The following MAPK10 variants were observed in gnomAD, a reference collection of about 807,000 sequenced individuals.
The protein encoded by MAPK10 is JNK3 alpha protein kinase.
Under a neutral mutation model 59.3 loss-of-function variants are expected in MAPK10, and 25 were observed. The ratio of observed to expected loss-of-function variants is 0.42; its 90% CI spans 0.31 to 0.59. The LOEUF is 0.59. Among genes scored for constraint, MAPK10 ranks in the 20% least tolerant of loss-of-function variants. The pLI is 0.15. For synonymous variants in MAPK10, 190 were observed against 200.5 expected, an observed-to-expected ratio of 0.95 and a Z score of 0.44; for missense variants, 351 against 568.9, an observed-to-expected ratio of 0.62 and a Z score of 3.90.
Position 86,017,247 on chromosome 4 carries a change from G to A in MAPK10, c.1376C>T (p.Pro459Leu), listed in dbSNP as rs143420758. 5.6e-6 allele frequency: 9 copies of A among 1,613,964 alleles called. No individual in the cohort carries two copies. The highest frequency in any genetic ancestry group is 1.3e-5 in the African/African-American group (1 of 74,902). ...GGCTAGTCACCTGCAACAACCCAGG[G>A]GTCCTGCCGAGGCTTCCAGGCTGCT... Reference protein sequence around the residue: ...TDSSLEASAGPLGCCR With the variant: ...TDSSLEASAGLLGCCR The change falls in exon 14 of 14, where the codon CCC (proline) becomes CTC (leucine). Residue 459 changes from proline to leucine, a missense_variant. This residue lies in a region of MAPK10 where 155 missense variants were observed against 204.2 expected (regional missense o/e 0.76). Transcript: ENST00000641462. This position sits in a 1 kb window ranked among gnomAD's most constrained non-coding sequence, Gnocchi z 4.4.
At chr4:86,527,007 A>G (rs1757510795) in intron 1 of MAPK10, among the ~76,000 whole-genome samples, 1 of 152,132 alleles carries the variant, frequency 6.6e-6, no homozygotes, top group Admixed American at 6.6e-5. Context: ...TAGGTTCCCC[A>G]TTAAAAAGCA....
intron 3 of MAPK10, among the ~76,000 whole-genome samples, chr4:86,190,171 A>T (rs2079330915): frequency 6.6e-6 from 1 of 151,952 alleles, no homozygotes; most frequent in Admixed American, 6.6e-5. Flanking sequence ...GAGGATTTTT[A>T]CATTGATGTT....
At chr4:86,517,269 C>CTTTTTT (rs1176457005) in intron 1 of MAPK10, among the ~76,000 whole-genome samples, 39 of 84,270 alleles carry the variant, frequency 4.6e-4, no homozygotes, top group Non-Finnish European at 6.2e-4. Context: ...GGTGTATTAT[C>CTTTTTT]TTTTTTTTTT....
intron 1 of MAPK10, among the ~76,000 whole-genome samples, chr4:86,531,250 G>A (rs1757830817): frequency 6.6e-6 from 1 of 152,186 alleles, no homozygotes; most frequent in Non-Finnish European, 1.5e-5. Context: ...AAGTCATAAA[G>A]TAATTGATTC....
intron 2 of MAPK10, among the ~76,000 whole-genome samples, chr4:86,349,436 T>A (rs1578697016): frequency 6.6e-6 from 1 of 152,222 alleles, no homozygotes; most frequent in South Asian, 2.1e-4. Context: ...GCAGTGCCTA[T>A]CAAGTGTCAG....
chr4:86,190,172 C>G (rs1391139179), intron 3 of MAPK10, among the ~76,000 whole-genome samples: 1 of 152,128 alleles, frequency 6.6e-6, no homozygotes, highest in African/African-American at 2.4e-5. Flanking sequence ...AGGATTTTTA[C>G]ATTGATGTTC....
intron 2 of MAPK10, among the ~76,000 whole-genome samples, chr4:86,344,569 G>A (rs1726990845): frequency 3.6e-5 from 5 of 140,166 alleles, no homozygotes; most frequent in Admixed American, 3.5e-4. Context: ...CTGGTACAGA[G>A]TAAACAGTCA....
At chr4:86,539,632 A>G (rs1375749337) in intron 1 of MAPK10, among the ~76,000 whole-genome samples, 1 of 152,226 alleles carries the variant, frequency 6.6e-6, no homozygotes, top group African/African-American at 2.4e-5. Context: ...GGCTAAGATT[A>G]AATCATTATT....
At chr4:86,268,605 T>C (rs1324074086) in intron 2 of MAPK10, 2 of 152,182 alleles carry the variant, frequency 1.3e-5, no homozygotes, top group Non-Finnish European at 2.9e-5. Flanking sequence ...TTCTCTCTCT[T>C]GAACATGCAA....
Position 86,246,785 on chromosome 4 carries a change from G to T in MAPK10, c.-6-52378C>A, listed in dbSNP as rs566168667. 9.2e-5 allele frequency among the ~76,000 whole-genome samples: 14 copies of T among 152,294 alleles called. No individual in the cohort carries two copies. The South Asian group carries it at 2.9e-3, about 32-fold the overall frequency. ...GGAATGCAGGCAGTGGGACACTAGAGTCTGCTGGTCACCACGCTACTCCTC... is the reference window on the plus strand; with the variant it reads ...GGAATGCAGGCAGTGGGACACTAGATTCTGCTGGTCACCACGCTACTCCTC... On this transcript the variant is annotated intron_variant, in intron 2 of 13. Transcript: ENST00000641462.
intron 1 of MAPK10, among the ~76,000 whole-genome samples, chr4:86,527,674 G>A (rs1270828793): frequency 6.6e-6 from 1 of 152,156 alleles, no homozygotes; most frequent in African/African-American, 2.4e-5. Flanking sequence ...ATAGCCAGAG[G>A]AAAATAAATC....
chr4:86,360,117 A>G, upstream of MAPK10: 2 of 985,886 alleles, frequency 2.0e-6, no homozygotes, highest in Non-Finnish European at 2.4e-6. Context: ...AACCGAAAGG[A>G]GCACACATGA....
intron 9 of MAPK10, chr4:86,091,021 T>C (rs948182305): frequency 1.3e-5 from 2 of 152,100 alleles, no homozygotes; most frequent in Non-Finnish European, 1.5e-5. Context: ...TACTTCTCTC[T>C]AAACCTCAAT....
intron 1 of MAPK10, among the ~76,000 whole-genome samples, chr4:86,507,394 C>T (rs1314152863): frequency 2.0e-5 from 3 of 151,170 alleles, no homozygotes; most frequent in Non-Finnish European, 2.9e-5. Flanking sequence ...CCTTTCATTG[C>T]GACTGCCACT....
At chr4:86,578,431 T>G (rs1248483011) in intron 1 of MAPK10, among the ~76,000 whole-genome samples, 1 of 152,178 alleles carries the variant, frequency 6.6e-6, no homozygotes, top group Non-Finnish European at 1.5e-5. Flanking sequence ...TGATGTTGTT[T>G]AGAAACATGA....
At chr4:86,392,403 T>C (rs925631876) in intron 1 of MAPK10, 2 of 149,654 alleles carry the variant, frequency 1.3e-5, no homozygotes, top group Admixed American at 6.7e-5. Context: ...AATCACACCA[T>C]TGCACTCTAG....
chr4:86,241,616 T>C (rs2092725947), intron 2 of MAPK10, among the ~76,000 whole-genome samples: 2 of 152,212 alleles, frequency 1.3e-5, no homozygotes, highest in South Asian at 4.1e-4. Flanking sequence ...ACTTGGTTGA[T>C]TCAGCTGTTG....
intron 1 of MAPK10, among the ~76,000 whole-genome samples, chr4:86,461,331 G>T (rs528190241): frequency 8.7e-4 from 132 of 152,266 alleles, no homozygotes; most frequent in Non-Finnish European, 1.8e-4. Flanking sequence ...GATGGGGAAG[G>T]CACAGGGTCT....
At chr4:86,480,489 G>C (rs1753519570) in intron 1 of MAPK10, among the ~76,000 whole-genome samples, 1 of 152,276 alleles carries the variant, frequency 6.6e-6, no homozygotes, top group African/African-American at 2.4e-5. Context: ...CACAAAGCCT[G>C]TTTGGTGGTC....
Sources: gnomAD v4.1 joint callset for allele counts (sites outside exome capture counted in the v4.1 genomes callset) on GRCh38, gnomAD v4.1.1 for gene constraint, gnomAD v4.1.1 regional missense constraint, Gnocchi (gnomAD v3.1) non-coding constraint, MANE v1.5 for transcripts, NCBI Gene and HGNC (gene_info 2026-07-23, HGNC 2026-07-21) for gene names.